ITGA2: variants seen among roughly 807,000 people sequenced by gnomAD.
The protein encoded by ITGA2 is integrin subunit alpha 2, also known as integrin alpha-2.
In ITGA2, 101 loss-of-function variants were observed where a neutral mutation model predicts 146.3. That is an observed-to-expected ratio of 0.69 (90% CI 0.59 to 0.81). The LOEUF is 0.81. Ranked by LOEUF, ITGA2 falls within the 40% of genes least tolerant of loss-of-function variation. The pLI is 0.00. For missense variants in ITGA2, 1,281 were observed against 1,402.7 expected (o/e 0.91, Z 1.39); for synonymous variants, 477 against 487.1 (o/e 0.98, Z 0.27).
intron 23 of ITGA2, among the ~76,000 whole-genome samples, chr5:53,077,388 A>C (rs1561149215): frequency 6.6e-6 from 1 of 152,106 alleles, no homozygotes; most frequent in African/African-American, 2.4e-5. Context: ...ATTGTAAAAA[A>C]AATGATGGGT....
chr5:53,037,767 T>A (rs1220316798), intron 2 of ITGA2, among the ~76,000 whole-genome samples: 1 of 152,232 alleles, frequency 6.6e-6, no homozygotes, highest in African/African-American at 2.4e-5. Context: ...TGGTTCACAA[T>A]ATTTAAGAAA....
rs762250467 is a variant in ITGA2 at position 53,071,945 on chromosome 5, C to G, written c.2243C>G (p.Ser748Cys). ...PEHIIYIQEP[S>C]DVVNSLDLRV... ...GTGTGTGTGTATGTTTAGGAGCCCT[C>G]TGATGTTGTCAACTCTTTGGATTTG... Residue 748 changes from serine to cysteine, a missense_variant, in exon 18 of 30, where the codon TCT becomes TGT. Physicochemically the swap from Ser to Cys is moderately radical, Grantham distance 112. This residue lies in a region of ITGA2 where 475 missense variants were observed against 530.5 expected (regional missense o/e 0.90). Coordinates refer to ENST00000296585, the MANE Select transcript of ITGA2 (RefSeq NM_002203.4). 3 of 1,611,750 alleles carry G rather than the reference C, an allele frequency of 1.9e-6. No homozygotes were observed. Among genetic ancestry groups the G allele is most frequent in the African/African-American group, 1.3e-5 (1 of 74,878 alleles).
In ITGA2 at chr5:53,073,098, C is replaced by T. The variant is rs1032435259; in HGVS notation, c.2430-20C>T. On this transcript the variant is annotated intron_variant, in intron 19 of 29. Coordinates refer to ENST00000296585, the MANE Select transcript of ITGA2 (RefSeq NM_002203.4). The stretch of plus-strand genomic sequence containing the variant: ...ATTTAACAGTAATGGCTTTTCCCCC[C>T]TCCTTTTTACTTTTAACAGAGAACA... 1.2e-6 allele frequency: 2 copies of T among 1,610,382 alleles called. No individual in the cohort carries two copies. The highest frequency in any genetic ancestry group is 1.7e-6 in the Non-Finnish European group (2 of 1,177,784).
chr5:52,989,934 G>A (rs953141459), intron 1 of ITGA2, among the ~76,000 whole-genome samples: 1 of 152,092 alleles, frequency 6.6e-6, no homozygotes, highest in African/African-American at 2.4e-5. Flanking sequence ...GCTCAGACAG[G>A]TGCCGCGCCT....
chr5:53,046,339 C>T (rs562849674), intron 4 of ITGA2, among the ~76,000 whole-genome samples: 3 of 151,854 alleles, frequency 2.0e-5, no homozygotes, highest in South Asian at 4.2e-4. Context: ...CAATTTTCAA[C>T]GTCATTCTAT....
At chr5:53,017,755 T>A (rs1742464591) in intron 1 of ITGA2, among the ~76,000 whole-genome samples, 1 of 152,074 alleles carries the variant, frequency 6.6e-6, no homozygotes, top group African/African-American at 2.4e-5. Context: ...TGCCCACACA[T>A]CAGCTGGGGG....
chr5:53,036,645 C>G (rs565920531), intron 2 of ITGA2, among the ~76,000 whole-genome samples: 1 of 152,274 alleles, frequency 6.6e-6, no homozygotes, highest in East Asian at 1.9e-4. Context: ...CTAACTCCAG[C>G]CTGCTTATTT....
intron 13 of ITGA2, among the ~76,000 whole-genome samples, chr5:53,063,322 T>G (rs1480386231): frequency 6.6e-6 from 1 of 151,908 alleles, no homozygotes; most frequent in African/African-American, 2.4e-5. Flanking sequence ...CAGTTGACAG[T>G]GAAAAACAGA....
intron 1 of ITGA2, among the ~76,000 whole-genome samples, chr5:53,003,528 A>G (rs915383194): frequency 4.6e-5 from 7 of 152,170 alleles, no homozygotes; most frequent in Non-Finnish European, 8.8e-5. Context: ...GCCTCTCCAC[A>G]TGGTGCCCTC....
rs566095926 is a variant in ITGA2 at position 53,075,520 on chromosome 5, G to A, written c.2825+216G>A. 5.3e-5 allele frequency among the ~76,000 whole-genome samples: 8 copies of A among 152,076 alleles called. No homozygotes were observed. In the South Asian group the frequency reaches 1.7e-3, roughly 32 times the overall value. ...TTATTAAACCAATGAGAGTAGCCCA[G>A]AAAGGCAGAGAAAGATCCCCGTAGC... On this transcript the variant is annotated intron_variant, in intron 23 of 29. Coordinates refer to ENST00000296585, the MANE Select transcript of ITGA2 (RefSeq NM_002203.4).
rs942480179 is a variant in ITGA2 at position 53,072,974 on chromosome 5, G to A, written c.2430-144G>A. The A allele has an allele frequency of 7.4e-6, 6 of 812,324 alleles. No individual in the cohort carries two copies. In the African/African-American group the frequency reaches 8.7e-5, roughly 12 times the overall value. 50.3% of individuals were successfully genotyped at this position (812,324 alleles called of 1,614,324 possible). A position where few individuals can be genotyped will look rare whatever the true frequency, so the allele number is the denominator to read the frequency against. On this transcript the variant is annotated intron_variant, in intron 19 of 29. Transcript: ENST00000296585. ...TATTTGTTGTCAGTATCATTTTGAT[G>A]CAAAGATAGTTTATTACACAGCAAT...
At chr5:53,087,075 G>A (rs1297582407) in intron 28 of ITGA2, 34 bp downstream of exon 28, 1 of 1,491,092 alleles carries the variant, frequency 6.7e-7, no homozygotes. Context: ...GTGAGCCTCA[G>A]GGTCTGTGAT....
chr5:53,026,105 G>T (rs934746078), intron 1 of ITGA2, among the ~76,000 whole-genome samples: 8 of 152,148 alleles, frequency 5.3e-5, no homozygotes, highest in Non-Finnish European at 7.4e-5. Flanking sequence ...GAATAAAAAA[G>T]ATATGACACC....
At chr5:53,041,760 A>G (rs866476722) in intron 2 of ITGA2, among the ~76,000 whole-genome samples, 1 of 152,188 alleles carries the variant, frequency 6.6e-6, no homozygotes. Flanking sequence ...AGTTAAATAA[A>G]ATATATTTTT....
Position 53,042,195 on chromosome 5 carries a change from C to T in ITGA2, c.269C>T (p.Ala90Val). ...AAATGTCCTGTTGACCTATCCACTGCCACATGTGAAAAACTAAATTTGCAA... is the reference window on the plus strand; with the variant it reads ...AAATGTCCTGTTGACCTATCCACTGTCACATGTGAAAAACTAAATTTGCAA... ...VYKCPVDLST[A>V]TCEKLNLQTS... The change falls in exon 3 of 30, where the codon GCC becomes GTC. Residue 90 changes from alanine to valine, a missense_variant. Ala to Val is a moderately conservative substitution (Grantham distance 64). Around this residue, in one of 3 missense-constraint regions of ITGA2, gnomAD observed 795 missense variants for 841.7 expected, o/e 0.94. Transcript: ENST00000296585. 1 of 1,611,898 alleles carries T rather than the reference C, an allele frequency of 6.2e-7. No homozygotes were observed. The highest frequency in any genetic ancestry group is 8.5e-7 in the Non-Finnish European group (1 of 1,178,038).
intron 9 of ITGA2, among the ~76,000 whole-genome samples, chr5:53,056,430 C>G (rs1348538429): frequency 2.6e-5 from 4 of 151,760 alleles, no homozygotes; most frequent in Non-Finnish European, 5.9e-5. Context: ...TATGTTTTGC[C>G]TAAAAGATGA....
At chr5:53,076,088 A>G (rs1745650640) in intron 23 of ITGA2, among the ~76,000 whole-genome samples, 2 of 152,020 alleles carry the variant, frequency 1.3e-5, no homozygotes, top group Admixed American at 6.6e-5. Flanking sequence ...CACACTTAGA[A>G]GTAAGGTGAG....
intron 6 of ITGA2, among the ~76,000 whole-genome samples, chr5:53,049,839 T>G (rs1293168042): frequency 6.6e-6 from 1 of 150,782 alleles, no homozygotes; most frequent in East Asian, 1.9e-4. Flanking sequence ...ATGTCCAACA[T>G]CTAATACAAA....
At chr5:53,058,862 A>G (rs1000043759) in intron 10 of ITGA2, among the ~76,000 whole-genome samples, 5 of 151,934 alleles carry the variant, frequency 3.3e-5, no homozygotes, top group African/African-American at 1.2e-4. Flanking sequence ...TCCCTCAGAA[A>G]AAATGTAAAT....
Sources: gnomAD v4.1 joint callset for allele counts (sites outside exome capture counted in the v4.1 genomes callset) on GRCh38, gnomAD v4.1.1 for gene constraint, gnomAD v4.1.1 regional missense constraint, MANE v1.5 for transcripts, NCBI Gene and HGNC (gene_info 2026-07-23, HGNC 2026-07-21) for gene names.